The following NBPF20 variants were observed in gnomAD, a reference collection of about 807,000 sequenced individuals.
NBPF20 encodes NBPF family member NBPF20.
In NBPF20, 90 loss-of-function variants were observed where a neutral mutation model predicts 68.1. That is an observed-to-expected ratio of 1.32 (90% CI 1.11 to 1.58). The LOEUF is 1.58. NBPF20 is among the 40% of genes most tolerant of loss of function. The probability of loss-of-function intolerance (pLI) is 0.00; values close to 1 mark genes in which losing one functional copy is unlikely to be tolerated. For missense variants in NBPF20, 816 were observed against 601.2 expected (o/e 1.36, Z -3.74); for synonymous variants, 290 against 228.1 (o/e 1.27, Z -2.45).
chr1:145,421,290 C>G, the NBPF20 span, among the ~76,000 whole-genome samples: 148 of 152,292 alleles, frequency 9.7e-4, no homozygotes, highest in African/African-American at 3.5e-3. Context: ...TATCTGTACA[C>G]GTATATTCTA....
At position 145,405,421 on chromosome 1, in the gene NBPF20, A is replaced by T. The variant is rs1191315828; in HGVS notation, c.-47T>A. 3.2e-6 allele frequency: 5 copies of T among 1,574,540 alleles called. No individual in the cohort carries two copies. The East Asian group carries it at 1.1e-4, about 36-fold the overall frequency. ...AATTCTTACCTTACTGTTGTGAAAAATGTGATCACTCCCCACAGCACTTTA... is the reference window on the plus strand; with the variant it reads ...AATTCTTACCTTACTGTTGTGAAAATTGTGATCACTCCCCACAGCACTTTA... On this transcript the variant is annotated 5_prime_UTR_variant, in exon 1 of 138. Transcript: ENST00000369373.
At chr1:145,398,783 C>T (rs1366084175) in intron 7 of NBPF20, among the ~76,000 whole-genome samples, 2 of 151,510 alleles carry the variant, frequency 1.3e-5, no homozygotes, top group African/African-American at 2.4e-5. Flanking sequence ...TCAATGAATC[C>T]AGGGCTGGTT....
chr1:145,415,267 C>T, the NBPF20 span, among the ~76,000 whole-genome samples: 8 of 151,862 alleles, frequency 5.3e-5, no homozygotes, highest in Non-Finnish European at 8.8e-5. Context: ...AGTCCTAAGG[C>T]GGTTTTCTCC....
intron 9 of NBPF20, 187 bp downstream of exon 14, chr1:145,393,697 G>T (rs1662058669): frequency 1.4e-6 from 2 of 1,450,144 alleles, no homozygotes; most frequent in South Asian, 1.2e-5. Context: ...GTTAGTAAAT[G>T]ATAAGGGTAG....
rs1571353063 is a variant in NBPF20 at position 145,372,537 on chromosome 1, G to T, written c.4344C>A (p.Tyr1448Ter). The change falls in exon 36 of 138, where the codon TAC (tyrosine) becomes TAA (stop). Residue 1448 changes from tyrosine (Y) to a stop codon, truncating the protein, a stop_gained. Coordinates refer to ENST00000369373, the Ensembl canonical transcript of NBPF20. LOFTEE classifies it high-confidence loss of function. ...TGTCCACGTCAAGAGCCAAGCCAAG[G>T]TACTGTTCCTCCAATGAGTAAACAG... 9 of 470,660 alleles carry T rather than the reference G, an allele frequency of 1.9e-5. 1 individual carries two copies. In the East Asian group the frequency reaches 5.8e-4, roughly 30 times the overall value. 29.2% of individuals were successfully genotyped at this position (470,660 alleles called of 1,614,324 possible).
At chr1:145,294,656 T>C in intron 134 of NBPF20, 126 bp downstream of exon 139, 1 of 99,080 alleles carries the variant, frequency 1.0e-5, no homozygotes, top group South Asian at 6.5e-5. Flanking sequence ...ACAACCTATA[T>C]GCGCCCATAG....
chr1:145,393,458 AACACACACACACAC>A (rs370259133), intron 9 of NBPF20, among the ~76,000 whole-genome samples: 2 of 145,160 alleles, frequency 1.4e-5, no homozygotes, highest in African/African-American at 2.6e-5. Context: ...CACACACACA[AACACACACACACAC>A]ACACACACAC....
At chr1:145,394,815 G>A (rs1419916896) in intron 8 of NBPF20, among the ~76,000 whole-genome samples, 163 bp downstream of exon 13, 2 of 152,234 alleles carry the variant, frequency 1.3e-5, no homozygotes, top group African/African-American at 2.4e-5. Context: ...CCATGCCTGT[G>A]CTTCAGACTC....
chr1:145,400,096 G>A (rs1467181965), intron 6 of NBPF20, among the ~76,000 whole-genome samples: 7 of 152,196 alleles, frequency 4.6e-5, no homozygotes, highest in African/African-American at 7.2e-5. Flanking sequence ...AATCACAGAT[G>A]ACAAGAGATA....
rs1192165402 is a variant in NBPF20, at chr1:145,393,855, A to T, written c.1043+29T>A. On this transcript the variant is annotated intron_variant, in intron 9 of 137. Transcript: ENST00000369373. ...TGGCATCTCCAGGTGTCAACATCAAATTAACTCTCCACAATTTCTCAGACT... is the reference window on the plus strand; with the variant it reads ...TGGCATCTCCAGGTGTCAACATCAATTTAACTCTCCACAATTTCTCAGACT... The T allele has an allele frequency of 1.4e-5, 22 of 1,536,718 alleles. 1 individual carries two copies. The South Asian group carries it at 1.7e-4, about 12-fold the overall frequency.
At chr1:145,400,146 C>T (rs1391990583) in intron 6 of NBPF20, among the ~76,000 whole-genome samples, 2 of 152,156 alleles carry the variant, frequency 1.3e-5, no homozygotes, top group African/African-American at 2.4e-5. Context: ...ACTGCCTGTG[C>T]ACCTCCTGCA....
chr1:145,394,930 C>T (rs1328417412), intron 8 of NBPF20, 48 bp downstream of exon 13: 4 of 1,610,050 alleles, frequency 2.5e-6, no homozygotes, highest in Admixed American at 1.7e-5. Flanking sequence ...ATGGGGTCTA[C>T]CTGGGCCATG....
chr1:145,425,476 G>A, the NBPF20 span, among the ~76,000 whole-genome samples: 1,062 of 152,272 alleles, frequency 7.0e-3, 15 homozygotes, highest in African/African-American at 0.024. Context: ...CAAAAGCACC[G>A]CGTTCACTCA....
intron 8 of NBPF20, among the ~76,000 whole-genome samples, chr1:145,394,248 GA>G (rs1662101977): frequency 1.3e-5 from 2 of 151,468 alleles, no homozygotes; most frequent in African/African-American, 4.9e-5. Context: ...CACCTCATAG[GA>G]GAGACACTTC....
At chr1:145,412,362 T>C in the NBPF20 span, among the ~76,000 whole-genome samples, 3 of 152,102 alleles carry the variant, frequency 2.0e-5, no homozygotes, top group African/African-American at 7.2e-5. Flanking sequence ...CTTGGGTTGC[T>C]GCACTCACAA....
chr1:145,421,547 G>C, the NBPF20 span, among the ~76,000 whole-genome samples: 1 of 152,158 alleles, frequency 6.6e-6, no homozygotes. Context: ...TTCAATATCT[G>C]TTTCATGCCA....
At chr1:145,410,702 G>A in the NBPF20 span, among the ~76,000 whole-genome samples, 158 of 81,100 alleles carry the variant, frequency 1.9e-3, no homozygotes, top group South Asian at 0.011. Flanking sequence ...ATATATATAT[G>A]TGTGTGTGTG....
exon 2 of NBPF20, chr1:145,405,211 T>C (rs782065245): frequency 1.5e-5 from 24 of 1,611,464 alleles, no homozygotes; most frequent in East Asian, 1.1e-4. Context: ...CAATTTCTCG[T>C]TGATTTCTAG....
intron 83 of NBPF20, among the ~76,000 whole-genome samples, chr1:145,334,897 T>G (rs1322316621): frequency 7.5e-6 from 1 of 133,916 alleles, no homozygotes; most frequent in African/African-American, 2.6e-5. Flanking sequence ...GGTGACACAC[T>G]GATGAAGGGG....
Sources: allele counts gnomAD v4.1 joint callset (sites outside exome capture counted in the v4.1 genomes callset), GRCh38; gene constraint gnomAD v4.1.1; transcripts MANE v1.5; gene names NCBI Gene and HGNC (gene_info 2026-07-23, HGNC 2026-07-21).